The following CR1 variants were observed in gnomAD, a reference collection of about 807,000 sequenced individuals.
CR1 encodes complement C3b/C4b receptor 1 (Knops blood group), also known as complement receptor type 1.
Under a neutral mutation model 187.3 loss-of-function variants are expected in CR1, and 116 were observed. That is an observed-to-expected ratio of 0.62 (90% confidence interval 0.53 to 0.72). CR1 has a LOEUF of 0.72. CR1 is among the 30% of genes least tolerant of loss of function. The pLI is 0.00. For synonymous variants in CR1, 576 were observed against 747.1 expected (o/e 0.77, Z 3.73); for missense variants, 1,731 against 2,110.7 (o/e 0.82, Z 3.52).
In CR1 at chr1:207,640,097, A is replaced by C. The variant is rs61823002; in HGVS notation, c.*688A>C. 1.3e-4 allele frequency: 20 copies of C among 152,200 alleles called. No homozygotes were observed. Among genetic ancestry groups the C allele is most frequent in the Non-Finnish European group, 1.9e-4 (13 of 68,042 alleles). 9.4% of individuals were successfully genotyped at this position (152,200 alleles called of 1,614,324 possible). On this transcript the variant is annotated 3_prime_UTR_variant, in exon 47 of 47. Transcript: ENST00000367049. ...AGAGTGGTTAAGACTACTGAAGAGA[A>C]ATATTTGGAAAATAAGATTTCGATA...
At chr1:207,574,000 G>T (rs1030644084) in intron 27 of CR1, among the ~76,000 whole-genome samples, 15 of 152,178 alleles carry the variant, frequency 9.9e-5, no homozygotes, top group African/African-American at 3.6e-4. Context: ...GGGCATGGCA[G>T]CATATGCCTG....
At chr1:207,632,270 C>G (rs1262173581) in intron 46 of CR1, among the ~76,000 whole-genome samples, 1 of 152,038 alleles carries the variant, frequency 6.6e-6, no homozygotes, top group African/African-American at 2.4e-5. Flanking sequence ...TTTATCTGGC[C>G]TGATCCTTCT....
chr1:207,516,266 T>G (rs1571509875), intron 4 of CR1, among the ~76,000 whole-genome samples: 1 of 152,160 alleles, frequency 6.6e-6, no homozygotes, highest in South Asian at 2.1e-4. Flanking sequence ...GACTATTCCT[T>G]GCATAGTGCA....
chr1:207,587,557 A>G lies in CR1; in HGVS notation c.5702A>G (p.Asn1901Ser). The change falls in exon 34 of 47, where the codon AAC becomes AGC. Residue 1901 changes from asparagine to serine, a missense_variant. Coordinates refer to ENST00000367049, the MANE Select transcript of CR1 (RefSeq NM_000651.6). Reference sequence around the variant, plus strand: ...TTGGTCTGGTCAAGTGTTGAAGACAACTGTAGACGTGAGTAACCCCTCCCT... The same window carrying G: ...TTGGTCTGGTCAAGTGTTGAAGACAGCTGTAGACGTGAGTAACCCCTCCCT... ...ENLVWSSVED[N>S]CRRKSCGPPP... is the part of the protein sequence containing the mutation. The G allele has an allele frequency of 6.2e-7, 1 of 1,613,384 alleles. No individual in the cohort carries two copies. Among genetic ancestry groups the G allele is most frequent in the South Asian group, 1.1e-5 (1 of 91,002 alleles).
At chr1:207,610,357 A>G (rs1661885909) in intron 37 of CR1, among the ~76,000 whole-genome samples, 1 of 152,120 alleles carries the variant, frequency 6.6e-6, no homozygotes, top group African/African-American at 2.4e-5. Flanking sequence ...GTTTGAGAGA[A>G]GGTCTCGCTC....
At chr1:207,566,137 C>T (rs1455837793) in intron 24 of CR1, among the ~76,000 whole-genome samples, 2 of 150,334 alleles carry the variant, frequency 1.3e-5, no homozygotes, top group Non-Finnish European at 2.9e-5. Context: ...ATTCTCTGTT[C>T]TAGTGCGATA....
chr1:207,607,855 T>C (rs17047631), intron 36 of CR1, among the ~76,000 whole-genome samples: 10,282 of 152,190 alleles, frequency 0.068, 1,171 homozygotes, highest in African/African-American at 0.23. Flanking sequence ...ATTTTTCCCA[T>C]AAGATATTTT....
rs12062039 is a variant in CR1 at position 207,609,730 on chromosome 1, G to A, written c.6295+42G>A. On this transcript the variant is annotated intron_variant, in intron 37 of 46. Transcript: ENST00000367049. ...AAGACTTTGCTGGGTGTGAGGGTAC[G>A]TATAGATGATAGGAGTTGTTGAAAT... 2.0e-4 allele frequency: 294 copies of A among 1,503,010 alleles called. No homozygotes were observed. The African/African-American group carries it at 3.4e-3, about 17-fold the overall frequency. 93.1% of individuals were successfully genotyped at this position (1,503,010 alleles called of 1,614,324 possible). A position where few individuals can be genotyped will look rare whatever the true frequency, so the allele number is the denominator to read the frequency against.
chr1:207,634,916 G>A (rs908002009), intron 46 of CR1, among the ~76,000 whole-genome samples: 1 of 152,186 alleles, frequency 6.6e-6, no homozygotes, highest in Non-Finnish European at 1.5e-5. Flanking sequence ...TAGAATGGAA[G>A]GAGGCTGTTT....
intron 1 of CR1, among the ~76,000 whole-genome samples, chr1:207,497,575 T>C (rs1230710495): frequency 6.6e-6 from 1 of 152,212 alleles, no homozygotes; most frequent in African/African-American, 2.4e-5. Flanking sequence ...TTGATCTCCT[T>C]AGGCACCAGA....
intron 35 of CR1, among the ~76,000 whole-genome samples, chr1:207,604,565 C>T (rs1661692945): frequency 6.6e-6 from 1 of 152,170 alleles, no homozygotes; most frequent in Non-Finnish European, 1.5e-5. Flanking sequence ...ATTCAGTTTT[C>T]CGTGTCTTGA....
At position 207,620,483 on chromosome 1, in the gene CR1, T is replaced by C. The variant is rs56203648; in HGVS notation, c.7252+418T>C. 5.2e-3 allele frequency among the ~76,000 whole-genome samples: 787 copies of C among 152,338 alleles called. 15 individuals are homozygous for C. The highest frequency in any genetic ancestry group is 0.047 in the East Asian group (242 of 5,190). ...AGCAGATTTAGAAATTACGTATCATTGAGCTCTGTAGAAGAGTAGCCCTCT... is the reference window on the plus strand; with the variant it reads ...AGCAGATTTAGAAATTACGTATCATCGAGCTCTGTAGAAGAGTAGCCCTCT... On this transcript the variant is annotated intron_variant, in intron 43 of 46. Transcript: ENST00000367049.
At position 207,618,054 on chromosome 1, in the gene CR1, T is replaced by C; in HGVS notation, c.6890-17T>C. 6.2e-7 allele frequency: 1 copy of C among 1,608,022 alleles called. No homozygotes were observed. Among genetic ancestry groups the C allele is most frequent in the South Asian group, 1.1e-5 (1 of 90,112 alleles). ...CTGAGTGTCTTTTCTTGTGTTTGTG[T>C]GGGAACTTGTTCTTAGCCTGCCCAC... is the stretch of plus-strand genomic sequence containing the variant. On this transcript the variant is annotated splice_polypyrimidine_tract_variant and intron_variant, in intron 41 of 46. Transcript: ENST00000367049.
chr1:207,602,245 C>G (rs895945712), intron 35 of CR1, among the ~76,000 whole-genome samples: 2 of 151,740 alleles, frequency 1.3e-5, no homozygotes, highest in Non-Finnish European at 1.5e-5. Flanking sequence ...ATAGATAATC[C>G]AAGTATTAAT....
At chr1:207,499,268 C>T (rs1462080721) in intron 1 of CR1, among the ~76,000 whole-genome samples, 1 of 152,118 alleles carries the variant, frequency 6.6e-6, no homozygotes, top group African/African-American at 2.4e-5. Context: ...TAAAGAGGGG[C>T]ATCATATAAT....
chr1:207,577,544 C>A (rs998328012), intron 28 of CR1, among the ~76,000 whole-genome samples: 1 of 152,078 alleles, frequency 6.6e-6, no homozygotes. Flanking sequence ...CCGAGGCAGG[C>A]GGATTGTTTG....
At chr1:207,627,182 A>G (rs1405375468) in intron 45 of CR1, among the ~76,000 whole-genome samples, 1 of 152,226 alleles carries the variant, frequency 6.6e-6, no homozygotes, top group Non-Finnish European at 1.5e-5. Context: ...ATCCTAGTAA[A>G]GATGACATGA....
chr1:207,510,946 T>C (rs1164667887), intron 3 of CR1, among the ~76,000 whole-genome samples: 1 of 151,908 alleles, frequency 6.6e-6, no homozygotes, highest in Non-Finnish European at 1.5e-5. Context: ...CTCAGCCTCC[T>C]GAGTAGCTAG....
chr1:207,637,585 C>T (rs1010204683), intron 46 of CR1, among the ~76,000 whole-genome samples: 1 of 152,188 alleles, frequency 6.6e-6, no homozygotes, highest in African/African-American at 2.4e-5. Flanking sequence ...TTCTACCAAC[C>T]AATTTTGGAC....
Sources: gnomAD v4.1 joint callset for allele counts (sites outside exome capture counted in the v4.1 genomes callset) on GRCh38, gnomAD v4.1.1 for gene constraint, MANE v1.5 for transcripts, NCBI Gene and HGNC (gene_info 2026-07-23, HGNC 2026-07-21) for gene names.